The following MUC4 variants were observed in gnomAD, a reference collection of about 807,000 sequenced individuals.
MUC4 encodes mucin 4, cell surface associated.
Under a neutral mutation model 257.9 loss-of-function variants are expected in MUC4, and 202 were observed. That is an observed-to-expected ratio of 0.78 (90% CI 0.70 to 0.88). The LOEUF (loss-of-function observed/expected upper bound fraction) is 0.88. Among genes scored for constraint, MUC4 ranks in the 40% least tolerant of loss-of-function variants. The pLI, the probability that MUC4 is intolerant of heterozygous loss-of-function variation, is 0.00. For synonymous variants in MUC4, 2,351 were observed against 2,757.1 expected, an observed-to-expected ratio of 0.85 and a Z score of 4.62; for missense variants, 5,976 against 6,513.7, an observed-to-expected ratio of 0.92 and a Z score of 2.84.
chr3:195,748,053 G>A (rs1715468866), intron 24 of MUC4, among the ~76,000 whole-genome samples: 1 of 152,210 alleles, frequency 6.6e-6, no homozygotes, highest in East Asian at 1.9e-4. Context: ...CCTTCGGCGG[G>A]ATCTGGAACT....
Position 195,789,019 on chromosome 3 carries a change from T to G in MUC4, c.2561A>C (p.His854Pro). ...TCCTGTGCTTACTGGGATGGCACCA[T>G]GACTGGCTGAGGCGGACAGCAATTC... Reference protein sequence around the residue: ...TTELLSASASHGAIPVSTGMA... With the variant: ...TTELLSASASPGAIPVSTGMA... Residue 854 changes from histidine (H) to proline (P), a missense_variant, in exon 2 of 25, where the codon CAT (histidine) becomes CCT (proline). By Grantham distance (77) the His-to-Pro change is moderately conservative. Coordinates refer to ENST00000463781, the MANE Select transcript of MUC4 (RefSeq NM_018406.7). 6.2e-7 allele frequency: 1 copy of G among 1,613,868 alleles called. No homozygotes were observed. Among genetic ancestry groups the G allele is most frequent in the Non-Finnish European group, 8.5e-7 (1 of 1,179,850 alleles).
chr3:195,787,360 G>A lies in MUC4; in HGVS notation c.4220C>T (p.Thr1407Ile), dbSNP rs201712151. 5 of 738,632 alleles carry A rather than the reference G, an allele frequency of 6.8e-6. No homozygotes were observed. Among genetic ancestry groups the A allele is most frequent in the Non-Finnish European group, 9.8e-6 (5 of 511,466 alleles). 45.8% of individuals were successfully genotyped at this position (738,632 alleles called of 1,614,324 possible). The part of the protein sequence containing the change: ...SPSSASTGHA[T>I]PLLVTDTSSA... ...GGAAGTGTCGGTGACAAGAAGAGGG[G>A]TGGCGTGACCTGTGGATGCTGAGGA... Residue 1407 changes from threonine to isoleucine, a missense_variant, in exon 2 of 25, where the codon ACC becomes ATC. Thr to Ile is a moderately conservative substitution (Grantham distance 89). Transcript: ENST00000463781.
At chr3:195,802,265 C>T (rs746096687) in intron 1 of MUC4, among the ~76,000 whole-genome samples, 45 of 151,638 alleles carry the variant, frequency 3.0e-4, no homozygotes, top group Non-Finnish European at 2.2e-4. Flanking sequence ...AGTCAGTACT[C>T]GTTGATCTTC....
rs1715158609 is a variant in MUC4, at chr3:195,746,986, G to T, written c.*190C>A. 1.2e-6 allele frequency: 1 copy of T among 819,898 alleles called. No homozygotes were observed. Among genetic ancestry groups the T allele is most frequent in the Non-Finnish European group, 1.9e-6 (1 of 528,142 alleles). The allele number at this position is 819,898 out of a possible 1,614,324, so 50.8% of individuals were successfully genotyped here. Reference sequence around the variant, plus strand: ...CATCCATGCATGTTTGATCTTTATGGCCTCCCCCTGTGCACCTGCGCCTAT... The same window carrying T: ...CATCCATGCATGTTTGATCTTTATGTCCTCCCCCTGTGCACCTGCGCCTAT... On this transcript the variant is annotated 3_prime_UTR_variant, in exon 25 of 25. Transcript: ENST00000463781.
rs767736388 is a variant in MUC4, at chr3:195,780,360, A to T, written c.11220T>A (p.Gly3740=). 2.1e-6 allele frequency: 3 copies of T among 1,425,340 alleles called. No individual in the cohort carries two copies. In the East Asian group the frequency reaches 7.6e-5, roughly 36 times the overall value. 88.3% of individuals were successfully genotyped at this position (1,425,340 alleles called of 1,614,324 possible). The change falls in exon 2 of 25, where the codon GGT becomes GGA. Residue 3740 remains glycine, a synonymous_variant. Coordinates refer to ENST00000463781, the MANE Select transcript of MUC4 (RefSeq NM_018406.7). ...HVTSPSSAST[G]HVTPLPVTST... ...TGGTGACAGGAAGAGGGGTGACGTG[A>T]CCTGTGGATGCTGAGGAAGGGCTGG... is the stretch of plus-strand genomic sequence containing the variant.
chr3:195,811,682 A>G (rs1277653604), intron 1 of MUC4, 54 bp downstream of exon 1: 1 of 1,531,862 alleles, frequency 6.5e-7, no homozygotes, highest in East Asian at 2.3e-5. Context: ...GACAGCTCCC[A>G]CCTCCCCCAA....
chr3:195,762,646 CT>C (rs1719388557), intron 13 of MUC4, among the ~76,000 whole-genome samples: 1 of 141,208 alleles, frequency 7.1e-6, no homozygotes, highest in Non-Finnish European at 1.5e-5. Flanking sequence ...GCACCGGGCC[CT>C]GCACCGCCAC....
At position 195,765,332 on chromosome 3, in the gene MUC4, A is replaced by C; in HGVS notation, c.13736T>G (p.Val4579Gly). 3.1e-6 allele frequency: 5 copies of C among 1,613,650 alleles called. No individual in the cohort carries two copies. The highest frequency in any genetic ancestry group is 4.2e-6 in the Non-Finnish European group (5 of 1,179,964). The change falls in exon 9 of 25, where the codon GTC (valine) becomes GGC (glycine). Residue 4579 changes from valine to glycine, a missense_variant. By Grantham distance (109) the Val-to-Gly change is moderately radical. This residue lies in a region of MUC4 where 996 missense variants were observed against 1,137.3 expected (regional missense o/e 0.88). Transcript: ENST00000463781. Reference sequence around the variant, plus strand: ...CTGCTGCCAGGAACAAGGGCAGGAGACCTGGTTCCAGCCCCAGCTGGGCCA... The same window carrying C: ...CTGCTGCCAGGAACAAGGGCAGGAGCCCTGGTTCCAGCCCCAGCTGGGCCA... Reference protein sequence around the residue: ...PRWPSWGWNQVSCPCSWQQGR... With the variant: ...PRWPSWGWNQGSCPCSWQQGR...
chr3:195,753,311 C>G, intron 19 of MUC4, 81 bp from the exon 20 acceptor site: 11 of 1,421,674 alleles, frequency 7.7e-6, no homozygotes, highest in Non-Finnish European at 8.8e-6. Context: ...CGCTCCGGGA[C>G]AGGCTTGCTT....
chr3:195,783,043 G>T lies in MUC4; in HGVS notation c.8537C>A (p.Thr2846Asn), dbSNP rs1359858636. The change falls in exon 2 of 25, where the codon ACC becomes AAC. Residue 2846 changes from threonine to asparagine, a missense_variant. Around this residue, in one of 44 missense-constraint regions of MUC4, gnomAD observed 228 missense variants for 206.3 expected, o/e 1.11. Coordinates refer to ENST00000463781, the MANE Select transcript of MUC4 (RefSeq NM_018406.7). ...TIPSSASSGH[T>N]TPLPVTDASS... ...AGCGTCGGTGACAGGAAGAGGGGTGGTGTGACCTGAGGATGCTGAGGAAGG... is the reference window on the plus strand; with the variant it reads ...AGCGTCGGTGACAGGAAGAGGGGTGTTGTGACCTGAGGATGCTGAGGAAGG... 5.6e-6 allele frequency: 6 copies of T among 1,071,772 alleles called. No individual in the cohort carries two copies. Among genetic ancestry groups the T allele is most frequent in the Non-Finnish European group, 7.6e-6 (6 of 791,152 alleles). The allele number at this position is 1,071,772 out of a possible 1,614,324, so 66.4% of individuals were successfully genotyped here. A position where few individuals can be genotyped will look rare whatever the true frequency, so the allele number is the denominator to read the frequency against.
intron 8 of MUC4, 21 bp downstream of exon 8, chr3:195,766,642 G>A: frequency 4.4e-6 from 7 of 1,608,512 alleles, no homozygotes; most frequent in Non-Finnish European, 6.0e-6. Flanking sequence ...CAGCTCAGGT[G>A]TGATAAGGTG....
intron 20 of MUC4, 142 bp downstream of exon 20, chr3:195,752,909 T>TA: frequency 1.2e-6 from 1 of 816,374 alleles, no homozygotes; most frequent in South Asian, 1.9e-5. Context: ...GCCCGCACCT[T>TA]ACACCATCCC....
rs1186395829 is a variant in MUC4 at position 195,781,905 on chromosome 3, T to C, written c.9675A>G (p.Val3225=). ...TPLPVTSLSS[V]STGDTTPLPV... is the part of the protein sequence containing the mutation. ...GAAGAGGCGTGGTGTCACCTGTGGA[T>C]ACTGAGGAAAGGCTGGTGACAGGAA... Residue 3225 remains valine, a synonymous_variant, in exon 2 of 25, where the codon GTA becomes GTG. Transcript: ENST00000463781. The C allele has an allele frequency of 1.2e-6, 1 of 812,500 alleles. No homozygotes were observed. The highest frequency in any genetic ancestry group is 2.6e-5 in the African/African-American group (1 of 38,492). 50.3% of individuals were successfully genotyped at this position (812,500 alleles called of 1,614,324 possible). A position where few individuals can be genotyped will look rare whatever the true frequency, so the allele number is the denominator to read the frequency against.
At chr3:195,770,074 G>T (rs569553404) in intron 6 of MUC4, 142 bp downstream of exon 6, 6 of 863,442 alleles carry the variant, frequency 6.9e-6, no homozygotes, top group Non-Finnish European at 8.4e-6. Context: ...GGTGGCAGTG[G>T]GGGGGTGGCG....
chr3:195,772,026 T>A (rs1020779787), intron 4 of MUC4, among the ~76,000 whole-genome samples: 2 of 152,176 alleles, frequency 1.3e-5, no homozygotes, highest in African/African-American at 2.4e-5. Context: ...ATCCCTTGCG[T>A]CCTCGGGTGG....
intron 1 of MUC4, 128 bp from the exon 2 acceptor site, chr3:195,791,625 C>G: frequency 1.5e-6 from 1 of 669,178 alleles, no homozygotes; most frequent in Admixed American, 2.8e-5. Context: ...CCATTCTTCA[C>G]AGAATGAGAA....
intron 6 of MUC4, 97 bp downstream of exon 6, chr3:195,770,119 A>C: frequency 2.4e-6 from 3 of 1,253,202 alleles, no homozygotes; most frequent in Non-Finnish European, 3.2e-6. Flanking sequence ...AATCTTTCCT[A>C]GAGCCAGAGA....
At position 195,786,800 on chromosome 3, in the gene MUC4, A is replaced by G. The variant is rs1158729705; in HGVS notation, c.4780T>C (p.Ser1594Pro). ...GGAAGAGGGGTGGTGTCACCTTTGG[A>G]TGCTGAGGAAGTGTCGGTGACAGGA... ...PLPVTDTSSASKGDTTPLPVT... is the reference protein window; with the variant it reads ...PLPVTDTSSAPKGDTTPLPVT... The change falls in exon 2 of 25, where the codon TCC becomes CCC. Residue 1594 changes from serine (S) to proline (P), a missense_variant. Around this residue, in one of 44 missense-constraint regions of MUC4, gnomAD observed 3 missense variants for 18.2 expected, o/e 0.16. Transcript: ENST00000463781. The G allele has an allele frequency of 6.6e-7, 1 of 1,517,080 alleles. No homozygotes were observed. The highest frequency in any genetic ancestry group is 2.0e-5 in the Admixed American group (1 of 49,322). 94.0% of individuals were successfully genotyped at this position (1,517,080 alleles called of 1,614,324 possible).
intron 24 of MUC4, among the ~76,000 whole-genome samples, 172 bp downstream of exon 24, chr3:195,748,730 G>C (rs1715692751): frequency 6.6e-6 from 1 of 152,260 alleles, no homozygotes; most frequent in South Asian, 2.1e-4. Context: ...TTGTAATATA[G>C]CGCCTTTATT....
Sources: allele counts gnomAD v4.1 joint callset (sites outside exome capture counted in the v4.1 genomes callset), GRCh38; gene constraint gnomAD v4.1.1; regional missense constraint gnomAD v4.1.1; transcripts MANE v1.5; gene names NCBI Gene and HGNC (gene_info 2026-07-23, HGNC 2026-07-21).